NBEA: variants seen among roughly 807,000 people sequenced by gnomAD.
NBEA encodes the protein lysosomal-trafficking regulator 2.
A neutral mutation model predicts 343.4 loss-of-function variants in NBEA; 44 were observed. That is an observed-to-expected ratio of 0.13 (90% CI 0.10 to 0.16). The LOEUF (loss-of-function observed/expected upper bound fraction) is 0.16, where lower values mean the gene tolerates loss of function less well. Ranked by LOEUF, NBEA falls within the 10% of genes least tolerant of loss-of-function variation. The probability of loss-of-function intolerance (pLI) is 1.00; values close to 1 mark genes in which losing one functional copy is unlikely to be tolerated. For synonymous variants in NBEA, 1,175 were observed against 1,238.7 expected, an observed-to-expected ratio of 0.95 and a Z score of 1.08; for missense variants, 2,555 against 3,631.3, an observed-to-expected ratio of 0.70 and a Z score of 7.62.
chr13:35,629,653 G>A (rs1313491664), intron 49 of NBEA, among the ~76,000 whole-genome samples: 3 of 152,174 alleles, frequency 2.0e-5, no homozygotes, highest in East Asian at 1.9e-4. Flanking sequence ...AATGGCTGGT[G>A]AAATAAGGAA....
intron 48 of NBEA, among the ~76,000 whole-genome samples, chr13:35,610,559 T>C (rs954816593): frequency 6.6e-6 from 1 of 152,144 alleles, no homozygotes; most frequent in Non-Finnish European, 1.5e-5. Flanking sequence ...TAACTCAAAA[T>C]AGATCATGGA....
intron 17 of NBEA, among the ~76,000 whole-genome samples, chr13:35,126,288 C>T (rs181831666): frequency 6.6e-5 from 10 of 152,178 alleles, no homozygotes; most frequent in African/African-American, 2.4e-4. Flanking sequence ...CCTGAGGCCT[C>T]CCCAGCAATG....
At chr13:35,296,398 TAAAAAA>T (rs1240536393) in intron 35 of NBEA, among the ~76,000 whole-genome samples, 2 of 150,318 alleles carry the variant, frequency 1.3e-5, no homozygotes, top group Non-Finnish European at 3.0e-5. Context: ...AAAAAAAAGA[TAAAAAA>T]GAACAACAGT....
intron 41 of NBEA, among the ~76,000 whole-genome samples, chr13:35,483,646 C>G (rs1250209707): frequency 6.6e-6 from 1 of 151,940 alleles, no homozygotes; most frequent in Non-Finnish European, 1.5e-5. Flanking sequence ...AATAGTACAA[C>G]TAGTCTTTTA....
chr13:35,345,473 A>G (rs2039820061), intron 36 of NBEA, among the ~76,000 whole-genome samples: 1 of 152,058 alleles, frequency 6.6e-6, no homozygotes, highest in South Asian at 2.1e-4. Flanking sequence ...TGAGCTTAGG[A>G]TAGTAAAGAC....
intron 1 of NBEA, among the ~76,000 whole-genome samples, chr13:34,983,258 G>A (rs917567103): frequency 2.6e-5 from 4 of 152,124 alleles, no homozygotes; most frequent in African/African-American, 7.2e-5. Flanking sequence ...CCACCTATGA[G>A]TGAGAACATG....
At chr13:35,474,879 C>T in intron 41 of NBEA, 1 of 737,120 alleles carries the variant, frequency 1.4e-6, no homozygotes, top group South Asian at 2.1e-5. Flanking sequence ...ATCCGCTTCC[C>T]CTACTTTTTC....
chr13:35,026,112 T>C (rs2062012200), intron 1 of NBEA, among the ~76,000 whole-genome samples: 1 of 152,062 alleles, frequency 6.6e-6, no homozygotes, highest in Non-Finnish European at 1.5e-5. Context: ...GTTCTCATGA[T>C]AGTGAGTGAG....
At chr13:34,961,630 A>G (rs909944839) in intron 1 of NBEA, among the ~76,000 whole-genome samples, 2 of 152,116 alleles carry the variant, frequency 1.3e-5, no homozygotes, top group South Asian at 2.1e-4. Flanking sequence ...TTCGGATACA[A>G]TGATCAAGAT....
rs1284711108 is a variant in NBEA at position 34,976,895 on chromosome 13, A to G, written c.294+33781A>G. Reference sequence around the variant, plus strand: ...ATTGTTCAAATTTTTGAGGCTTTGTAGTTAAATGCTATTTTGCTTCTAGAG... The same window carrying G: ...ATTGTTCAAATTTTTGAGGCTTTGTGGTTAAATGCTATTTTGCTTCTAGAG... On this transcript the variant is annotated intron_variant, in intron 1 of 58. Transcript: ENST00000379939. 1.3e-4 allele frequency among the ~76,000 whole-genome samples: 20 copies of G among 149,942 alleles called. No individual in the cohort carries two copies. The East Asian group carries it at 3.7e-3, about 28-fold the overall frequency.
chr13:35,293,154 A>G (rs2035903761), intron 35 of NBEA, among the ~76,000 whole-genome samples: 1 of 152,036 alleles, frequency 6.6e-6, no homozygotes, highest in Non-Finnish European at 1.5e-5. Flanking sequence ...ACGTGAGATC[A>G]TATTACAAGT....
rs150509292 is a variant in NBEA at position 35,352,006 on chromosome 13, A to G, written c.6013-151A>G. 5 of 408,644 alleles carry G rather than the reference A, an allele frequency of 1.2e-5. No individual in the cohort carries two copies. The South Asian group carries it at 3.7e-4, about 30-fold the overall frequency. The allele number at this position is 408,644 out of a possible 1,614,324, so 25.3% of individuals were successfully genotyped here. A position where few individuals can be genotyped will look rare whatever the true frequency, so the allele number is the denominator to read the frequency against. On this transcript the variant is annotated intron_variant, in intron 37 of 58. Transcript: ENST00000379939. ...ACATTTTTATATTTGAAAGGTGACT[A>G]TATGTATTCTTTAGAACAAAATATC...
intron 10 of NBEA, among the ~76,000 whole-genome samples, chr13:35,074,173 T>A (rs556308161): frequency 9.2e-5 from 14 of 152,286 alleles, no homozygotes; most frequent in African/African-American, 3.1e-4. Context: ...ACTCAAACTC[T>A]GAAGTAATAT....
At chr13:35,118,161 T>C (rs2056454006) in intron 14 of NBEA, 67 bp from the exon 15 acceptor site, 1 of 1,046,028 alleles carries the variant, frequency 9.6e-7, no homozygotes, top group South Asian at 1.9e-5. Context: ...ATGATTATTT[T>C]GACATCTTTT....
intron 17 of NBEA, among the ~76,000 whole-genome samples, chr13:35,136,168 C>T (rs2067715938): frequency 6.6e-6 from 1 of 152,060 alleles, no homozygotes; most frequent in African/African-American, 2.4e-5. Context: ...AAAAAAGAAC[C>T]CAGAGATTCT....
chr13:35,252,995 C>T (rs910475412), intron 34 of NBEA, among the ~76,000 whole-genome samples: 15 of 152,148 alleles, frequency 9.9e-5, no homozygotes, highest in African/African-American at 3.6e-4. Flanking sequence ...AGGATTGCAT[C>T]CTGACAGGGC....
chr13:35,663,624 T>C (rs566521724), intron 55 of NBEA, among the ~76,000 whole-genome samples: 1 of 152,322 alleles, frequency 6.6e-6, no homozygotes, highest in South Asian at 2.1e-4. Flanking sequence ...TTTGGAAAAC[T>C]CTTATCAATG....
intron 34 of NBEA, among the ~76,000 whole-genome samples, chr13:35,236,846 T>C (rs1333349252): frequency 3.3e-5 from 5 of 152,162 alleles, no homozygotes; most frequent in South Asian, 2.1e-4. Flanking sequence ...TCATGACTTA[T>C]GTGCTCCTAC....
chr13:35,564,391 C>T (rs1411658181), intron 44 of NBEA, among the ~76,000 whole-genome samples: 1 of 151,788 alleles, frequency 6.6e-6, no homozygotes, highest in Non-Finnish European at 1.5e-5. Context: ...GAACAGCTCC[C>T]CCAAGAAAAT....
Sources: gnomAD v4.1 joint callset for allele counts (sites outside exome capture counted in the v4.1 genomes callset) on GRCh38, gnomAD v4.1.1 for gene constraint, MANE v1.5 for transcripts, NCBI Gene and HGNC (gene_info 2026-07-23, HGNC 2026-07-21) for gene names.